PARD3: variants seen among roughly 807,000 people sequenced by gnomAD.
PARD3 encodes the protein par-3 family cell polarity regulator.
PARD3 carries 75 observed loss-of-function variants against 155.4 expected under a neutral mutation model. That is an observed-to-expected ratio of 0.48 (90% CI 0.40 to 0.58). The LOEUF (loss-of-function observed/expected upper bound fraction) is 0.58. Among genes scored for constraint, PARD3 ranks in the 20% least tolerant of loss-of-function variants. The pLI is 0.00. For missense variants in PARD3, 1,642 were observed against 1,721.7 expected, an observed-to-expected ratio of 0.95 and a Z score of 0.82; for synonymous variants, 576 against 610.5, an observed-to-expected ratio of 0.94 and a Z score of 0.83.
chr10:34,709,917 T>A (rs1425405303), intron 1 of PARD3, among the ~76,000 whole-genome samples: 2 of 152,082 alleles, frequency 1.3e-5, no homozygotes, highest in Non-Finnish European at 2.9e-5. Flanking sequence ...TTAAACAAAT[T>A]TAATGACCCA....
chr10:34,151,060 C>T (rs901424370), intron 22 of PARD3, among the ~76,000 whole-genome samples: 1 of 152,122 alleles, frequency 6.6e-6, no homozygotes, highest in African/African-American at 2.4e-5. Context: ...AATGCAGTTT[C>T]TAAGGCCCAG....
At chr10:34,654,366 T>A (rs2093105924) in intron 2 of PARD3, among the ~76,000 whole-genome samples, 1 of 152,170 alleles carries the variant, frequency 6.6e-6, no homozygotes, top group Non-Finnish European at 1.5e-5. Context: ...ACAGACGTGC[T>A]AAAAGGTTAA....
At chr10:34,451,479 A>G (rs1040686080) in intron 4 of PARD3, among the ~76,000 whole-genome samples, 1 of 152,168 alleles carries the variant, frequency 6.6e-6, no homozygotes, top group Admixed American at 6.5e-5. Flanking sequence ...TGAACACCCA[A>G]TACAAACACA....
chr10:34,317,510 T>G (rs1351045478), intron 19 of PARD3, among the ~76,000 whole-genome samples, 172 bp from the exon 20 acceptor site: 2 of 152,174 alleles, frequency 1.3e-5, no homozygotes, highest in African/African-American at 4.8e-5. Flanking sequence ...ATGGAACATG[T>G]GATGTGGATG....
rs149787335 is a variant in PARD3 at position 34,159,428 on chromosome 10, A to G, written c.3420-27845T>C. Among the ~76,000 whole-genome samples the G allele has an allele frequency of 5.5e-4, 83 of 152,292 alleles. No individual in the cohort carries two copies. The East Asian group carries it at 0.015, about 28-fold the overall frequency. ...AACTCTTTCACTCTGCCTTAGGATA[A>G]CTACCCATTAAATCACATAGGTAGA... On this transcript the variant is annotated intron_variant, in intron 22 of 24. Transcript: ENST00000374788.
intron 1 of PARD3, among the ~76,000 whole-genome samples, chr10:34,798,172 A>G (rs1343885064): frequency 1.4e-5 from 2 of 148,008 alleles, no homozygotes; most frequent in Admixed American, 6.8e-5. Context: ...GAAAAAAAAA[A>G]TGCTTAATGA....
chr10:34,589,977 T>C (rs2088513106), intron 2 of PARD3, among the ~76,000 whole-genome samples: 2 of 152,192 alleles, frequency 1.3e-5, no homozygotes, highest in Non-Finnish European at 1.5e-5. Context: ...ACAACCTCCA[T>C]TTTTGGTATT....
At chr10:34,516,853 G>A (rs78392764) in intron 3 of PARD3, 126 bp downstream of exon 3, 70 of 857,032 alleles carry the variant, frequency 8.2e-5, no homozygotes, top group Admixed American at 5.7e-4. Flanking sequence ...ATTTGCCTGG[G>A]TCCTAAACTT....
chr10:34,202,741 T>G (rs1182399127), intron 22 of PARD3, among the ~76,000 whole-genome samples: 1 of 152,230 alleles, frequency 6.6e-6, no homozygotes, highest in Admixed American at 6.5e-5. Flanking sequence ...TTATATGAGT[T>G]TATCTCCAAT....
At chr10:34,525,542 G>A (rs2082414659) in intron 2 of PARD3, among the ~76,000 whole-genome samples, 1 of 152,122 alleles carries the variant, frequency 6.6e-6, no homozygotes, top group Non-Finnish European at 1.5e-5. Context: ...TATCTAAGAG[G>A]GAGTAACGTG....
intron 5 of PARD3, among the ~76,000 whole-genome samples, chr10:34,437,578 GAAAAA>G (rs1479872305): frequency 2.0e-5 from 3 of 151,538 alleles, no homozygotes; most frequent in Non-Finnish European, 4.4e-5. Flanking sequence ...TCATCTCCAA[GAAAAA>G]AAATTTGCCA....
At chr10:34,481,602 G>A (rs1428740095) in intron 3 of PARD3, among the ~76,000 whole-genome samples, 1 of 152,160 alleles carries the variant, frequency 6.6e-6, no homozygotes, top group Non-Finnish European at 1.5e-5. Flanking sequence ...ATGGAAAGCA[G>A]CAGTTCACAA....
chr10:34,317,278 T>C lies in PARD3; in HGVS notation c.2894A>G (p.Asp965Gly), dbSNP rs1958066475. ...TCTCTCCAGAGAGTGGGAAGGCTGATCACTGGCTGTGGATACAGACTCTCT... is the reference window on the plus strand; with the variant it reads ...TCTCTCCAGAGAGTGGGAAGGCTGACCACTGGCTGTGGATACAGACTCTCT... ...SGRESVSTAS[D>G]QPSHSLERQM... Residue 965 changes from aspartate to glycine, a missense_variant, in exon 20 of 25, where the codon GAT becomes GGT. Asp to Gly is a moderately conservative substitution (Grantham distance 94). Transcript: ENST00000374788. 4 of 1,613,788 alleles carry C rather than the reference T, an allele frequency of 2.5e-6. No homozygotes were observed. Among genetic ancestry groups the C allele is most frequent in the Non-Finnish European group, 3.4e-6 (4 of 1,179,970 alleles).
chr10:34,446,234 T>C (rs912419153), intron 5 of PARD3, among the ~76,000 whole-genome samples: 1 of 152,078 alleles, frequency 6.6e-6, no homozygotes, highest in Non-Finnish European at 1.5e-5. Flanking sequence ...GTGAGTGAGG[T>C]TGCTAAGCTA....
intron 2 of PARD3, among the ~76,000 whole-genome samples, chr10:34,678,474 A>G (rs1169844090): frequency 6.6e-6 from 1 of 152,246 alleles, no homozygotes; most frequent in Admixed American, 6.5e-5. Flanking sequence ...ATTTTGTTAT[A>G]CATAAAAATC....
chr10:34,686,001 C>G (rs2093950176), intron 2 of PARD3, among the ~76,000 whole-genome samples: 1 of 152,150 alleles, frequency 6.6e-6, no homozygotes, highest in Non-Finnish European at 1.5e-5. Flanking sequence ...CCCATTTTTG[C>G]ATGTAAAACA....
At chr10:34,256,823 T>C (rs1954679022) in intron 22 of PARD3, among the ~76,000 whole-genome samples, 1 of 151,656 alleles carries the variant, frequency 6.6e-6, no homozygotes, top group African/African-American at 2.4e-5. Flanking sequence ...GTCCATTTTA[T>C]GCAATGTGAA....
chr10:34,318,584 G>C (rs1958163321), intron 19 of PARD3, among the ~76,000 whole-genome samples: 1 of 151,930 alleles, frequency 6.6e-6, no homozygotes, highest in Non-Finnish European at 1.5e-5. Flanking sequence ...CACAATTATC[G>C]TGGGTATAAT....
chr10:34,441,766 T>C (rs747109397), intron 5 of PARD3, among the ~76,000 whole-genome samples: 30 of 152,204 alleles, frequency 2.0e-4, no homozygotes, highest in Non-Finnish European at 2.2e-4. Context: ...CCCATACATA[T>C]AGGGTGTTTT....
Sources: gnomAD v4.1 joint callset for allele counts (sites outside exome capture counted in the v4.1 genomes callset) on GRCh38, gnomAD v4.1.1 for gene constraint, MANE v1.5 for transcripts, NCBI Gene and HGNC (gene_info 2026-07-23, HGNC 2026-07-21) for gene names.